Variants in TPBGL observed in about 807,000 individuals in gnomAD.
TPBGL encodes the protein trophoblast glycoprotein-like.
For synonymous variants in TPBGL, 380 were observed against 314.8 expected (o/e 1.21, Z -2.19); for missense variants, 685 against 609.4 (o/e 1.12, Z -1.31).
At position 75,241,772 on chromosome 11, in the gene TPBGL, C is replaced by T; in HGVS notation, c.723C>T (p.Ala241=). The T allele has an allele frequency of 1.5e-6, 2 of 1,309,214 alleles. No homozygotes were observed. Among genetic ancestry groups the T allele is most frequent in the Non-Finnish European group, 1.9e-6 (2 of 1,027,278 alleles). 81.1% of individuals were successfully genotyped at this position (1,309,214 alleles called of 1,614,324 possible). The part of the protein sequence containing the change: ...LADNPLRCGC[A]ARPLLAWLRN... Reference sequence around the variant, plus strand: ...ACAACCCCCTGCGCTGCGGCTGTGCCGCACGCCCCCTGCTGGCCTGGCTGC... The same window carrying T: ...ACAACCCCCTGCGCTGCGGCTGTGCTGCACGCCCCCTGCTGGCCTGGCTGC... Residue 241 remains alanine (A), a synonymous_variant, in exon 1 of 1, where the codon GCC becomes GCT. Transcript: ENST00000562197.
In TPBGL at chr11:75,242,286, C is replaced by T. The variant is rs1945608067; in HGVS notation, c.*88C>T. ...CGAGCCCCGAGCTCTGAGACCTTCC[C>T]CTGACTCGGAGGCGCTAAGCCGTAC... On this transcript the variant is annotated 3_prime_UTR_variant, in exon 1 of 1. Coordinates refer to ENST00000562197, the MANE Select transcript of TPBGL (RefSeq NM_001195528.2). 7.6e-6 allele frequency: 8 copies of T among 1,050,896 alleles called. No individual in the cohort carries two copies. Among genetic ancestry groups the T allele is most frequent in the Non-Finnish European group, 9.2e-6 (8 of 873,886 alleles). The allele number at this position is 1,050,896 out of a possible 1,614,324, so 65.1% of individuals were successfully genotyped here.
chr11:75,241,605 C>A lies in TPBGL; in HGVS notation c.556C>A (p.Arg186Ser). The change falls in exon 1 of 1, where the codon CGT (arginine) becomes AGT (serine). Residue 186 changes from arginine to serine, a missense_variant. Transcript: ENST00000562197. Reference sequence around the variant, plus strand: ...GGGCCTAGCGGGCAACGCGCTGAGCCGTCTGCCGCCAGCCGCCCTGCGCCT... The same window carrying A: ...GGGCCTAGCGGGCAACGCGCTGAGCAGTCTGCCGCCAGCCGCCCTGCGCCT... ...LLGLAGNALS[R>S]LPPAALRLAR... 1 of 1,314,878 alleles carries A rather than the reference C, an allele frequency of 7.6e-7. No homozygotes were observed. The highest frequency in any genetic ancestry group is 9.8e-7 in the Non-Finnish European group (1 of 1,024,254). 81.5% of individuals were successfully genotyped at this position (1,314,878 alleles called of 1,614,324 possible). A position where few individuals can be genotyped will look rare whatever the true frequency, so the allele number is the denominator to read the frequency against.
chr11:75,241,218 C>T lies in TPBGL; in HGVS notation c.169C>T (p.Pro57Ser), dbSNP rs1221253951. 1 of 1,441,988 alleles carries T rather than the reference C, an allele frequency of 6.9e-7. No homozygotes were observed. The highest frequency in any genetic ancestry group is 9.1e-7 in the Non-Finnish European group (1 of 1,099,896). 89.3% of individuals were successfully genotyped at this position (1,441,988 alleles called of 1,614,324 possible). Residue 57 changes from proline to serine, a missense_variant, in exon 1 of 1, where the codon CCG becomes TCG. Pro to Ser is a moderately conservative substitution (Grantham distance 74). Transcript: ENST00000562197. ...GCTCCGCCAGCCTCCGCGGGACGTGCCGCCCGACGCGCGCAACCTCACCAT... is the reference window on the plus strand; with the variant it reads ...GCTCCGCCAGCCTCCGCGGGACGTGTCGCCCGACGCGCGCAACCTCACCAT... ...AELRQPPRDV[P>S]PDARNLTIVG...
At position 75,242,440 on chromosome 11, in the gene TPBGL, C is replaced by A. The variant is rs1006055266; in HGVS notation, c.*242C>A. ...CCTGAACCACTGAAAGTCCGTTCCCCGTCTCGGAGCTCACACAGAGAATCT... is the reference window on the plus strand; with the variant it reads ...CCTGAACCACTGAAAGTCCGTTCCCAGTCTCGGAGCTCACACAGAGAATCT... On this transcript the variant is annotated 3_prime_UTR_variant, in exon 1 of 1. Transcript: ENST00000562197. 9.3e-5 allele frequency: 24 copies of A among 258,470 alleles called. No homozygotes were observed. The highest frequency in any genetic ancestry group is 1.4e-4 in the Non-Finnish European group (23 of 160,810). 16.0% of individuals were successfully genotyped at this position (258,470 alleles called of 1,614,324 possible). A position where few individuals can be genotyped will look rare whatever the true frequency, so the allele number is the denominator to read the frequency against.
Position 75,241,945 on chromosome 11 carries a change from C to T in TPBGL, c.896C>T (p.Ala299Val), listed in dbSNP as rs1359405715. The T allele has an allele frequency of 2.8e-5, 41 of 1,487,908 alleles. No individual in the cohort carries two copies. The East Asian group carries it at 8.6e-4, about 31-fold the overall frequency. The allele number at this position is 1,487,908 out of a possible 1,614,324, so 92.2% of individuals were successfully genotyped here. A position where few individuals can be genotyped will look rare whatever the true frequency, so the allele number is the denominator to read the frequency against. Residue 299 changes from alanine (A) to valine (V), a missense_variant, in exon 1 of 1, where the codon GCC becomes GTC. Transcript: ENST00000562197. ...GADARGEEAEAAGPELEASYV... is the reference protein window; with the variant it reads ...GADARGEEAEVAGPELEASYV... ...GACGCTCGCGGAGAGGAGGCGGAGG[C>T]CGCCGGCCCGGAGCTGGAAGCCTCC... is the stretch of plus-strand genomic sequence containing the variant.
chr11:75,242,284 C>T lies in TPBGL; in HGVS notation c.*86C>T. Reference sequence around the variant, plus strand: ...CGCGAGCCCCGAGCTCTGAGACCTTCCCCTGACTCGGAGGCGCTAAGCCGT... The same window carrying T: ...CGCGAGCCCCGAGCTCTGAGACCTTTCCCTGACTCGGAGGCGCTAAGCCGT... On this transcript the variant is annotated 3_prime_UTR_variant, in exon 1 of 1. Coordinates refer to ENST00000562197, the MANE Select transcript of TPBGL (RefSeq NM_001195528.2). The T allele has an allele frequency of 9.5e-7, 1 of 1,053,112 alleles. No homozygotes were observed. The highest frequency in any genetic ancestry group is 1.1e-6 in the Non-Finnish European group (1 of 875,246). 65.2% of individuals were successfully genotyped at this position (1,053,112 alleles called of 1,614,324 possible).
chr11:75,242,704 A>C lies in TPBGL; in HGVS notation c.*506A>C, dbSNP rs1049313510. The stretch of plus-strand genomic sequence containing the variant: ...AGCCCTCCATCCTGCATGGAGGCCC[A>C]ACCCTGGGGCTCTGAGGATTGGGCA... On this transcript the variant is annotated 3_prime_UTR_variant, in exon 1 of 1. Transcript: ENST00000562197. 3.9e-5 allele frequency: 6 copies of C among 151,906 alleles called. No individual in the cohort carries two copies. The highest frequency in any genetic ancestry group is 3.3e-4 in the Admixed American group (5 of 15,276). 9.4% of individuals were successfully genotyped at this position (151,906 alleles called of 1,614,324 possible). A position where few individuals can be genotyped will look rare whatever the true frequency, so the allele number is the denominator to read the frequency against.
At position 75,242,052 on chromosome 11, in the gene TPBGL, C is replaced by G; in HGVS notation, c.1003C>G (p.Arg335Gly). 1 of 1,450,256 alleles carries G rather than the reference C, an allele frequency of 6.9e-7. No homozygotes were observed. Among genetic ancestry groups the G allele is most frequent in the East Asian group, 3.0e-5 (1 of 32,804 alleles). The allele number at this position is 1,450,256 out of a possible 1,614,324, so 89.8% of individuals were successfully genotyped here. Residue 335 changes from arginine to glycine, a missense_variant, in exon 1 of 1, where the codon CGC becomes GGC. Coordinates refer to ENST00000562197, the MANE Select transcript of TPBGL (RefSeq NM_001195528.2). ...VLYLNRRGIQ[R>G]WMRNLREACR... ...CTACCTAAACCGCCGCGGCATCCAG[C>G]GCTGGATGCGCAACCTGCGCGAGGC...
At position 75,243,680 on chromosome 11, in the gene TPBGL, G is replaced by A. The variant is rs1329501783; in HGVS notation, c.*1482G>A. On this transcript the variant is annotated 3_prime_UTR_variant, in exon 1 of 1. Coordinates refer to ENST00000562197, the MANE Select transcript of TPBGL (RefSeq NM_001195528.2). ...TCTCCCTTGAGCAGTTTTCTATAAA[G>A]TCTGCAATAATCTCAGATACTCTAC... 2.6e-5 allele frequency: 4 copies of A among 152,142 alleles called. No homozygotes were observed. 9.4% of individuals were successfully genotyped at this position (152,142 alleles called of 1,614,324 possible). A position where few individuals can be genotyped will look rare whatever the true frequency, so the allele number is the denominator to read the frequency against.
At position 75,241,643 on chromosome 11, in the gene TPBGL, G is replaced by A. The variant is rs2140370651; in HGVS notation, c.594G>A (p.Glu198=). Residue 198 remains glutamate (E), a synonymous_variant, in exon 1 of 1, where the codon GAG becomes GAA. Coordinates refer to ENST00000562197, the MANE Select transcript of TPBGL (RefSeq NM_001195528.2). ...CCGCCCTGCGCCTGGCGCGCCTGGA[G>A]CAGCTGGACGTGCGCCTCAACGCGC... ...PPAALRLARL[E]QLDVRLNALA... 1 of 1,312,306 alleles carries A rather than the reference G, an allele frequency of 7.6e-7. No individual in the cohort carries two copies. Among genetic ancestry groups the A allele is most frequent in the Non-Finnish European group, 9.8e-7 (1 of 1,024,458 alleles). 81.3% of individuals were successfully genotyped at this position (1,312,306 alleles called of 1,614,324 possible). A position where few individuals can be genotyped will look rare whatever the true frequency, so the allele number is the denominator to read the frequency against.
At position 75,241,643 on chromosome 11, in the gene TPBGL, G is replaced by C; in HGVS notation, c.594G>C (p.Glu198Asp). The C allele has an allele frequency of 1.5e-6, 2 of 1,312,306 alleles. No individual in the cohort carries two copies. The highest frequency in any genetic ancestry group is 2.0e-6 in the Non-Finnish European group (2 of 1,024,458). 81.3% of individuals were successfully genotyped at this position (1,312,306 alleles called of 1,614,324 possible). ...CCGCCCTGCGCCTGGCGCGCCTGGA[G>C]CAGCTGGACGTGCGCCTCAACGCGC... ...PPAALRLARLEQLDVRLNALA... is the reference protein window; with the variant it reads ...PPAALRLARLDQLDVRLNALA... Residue 198 changes from glutamate to aspartate, a missense_variant, in exon 1 of 1, where the codon GAG becomes GAC. Transcript: ENST00000562197.
Position 75,240,994 on chromosome 11 carries a change from C to G in TPBGL, c.-56C>G. ...CCCCACCCGTGCCCCCCACCAGGCG[C>G]TCCCAACTCACTGGTGAGCGCGGCG... On this transcript the variant is annotated 5_prime_UTR_variant, in exon 1 of 1. Transcript: ENST00000562197. 8.5e-7 allele frequency: 1 copy of G among 1,179,886 alleles called. No homozygotes were observed. The highest frequency in any genetic ancestry group is 1.1e-6 in the Non-Finnish European group (1 of 950,860). 73.1% of individuals were successfully genotyped at this position (1,179,886 alleles called of 1,614,324 possible).
At position 75,241,288 on chromosome 11, in the gene TPBGL, G is replaced by C; in HGVS notation, c.239G>C (p.Gly80Ala). The C allele has an allele frequency of 1.5e-6, 2 of 1,348,192 alleles. No individual in the cohort carries two copies. The highest frequency in any genetic ancestry group is 1.9e-6 in the Non-Finnish European group (2 of 1,056,642). 83.5% of individuals were successfully genotyped at this position (1,348,192 alleles called of 1,614,324 possible). ...LTVLRAAAFA[G>A]GDGDGDQAAG... ...GTGCTGCGCGCGGCCGCCTTCGCCG[G>C]CGGGGACGGGGACGGCGACCAGGCG... Residue 80 changes from glycine to alanine, a missense_variant, in exon 1 of 1, where the codon GGC (glycine) becomes GCC (alanine). Coordinates refer to ENST00000562197, the MANE Select transcript of TPBGL (RefSeq NM_001195528.2).
Position 75,241,197 on chromosome 11 carries a change from C to A in TPBGL, c.148C>A (p.Arg50Ser). ...LLRCASGAEL[R>S]QPPRDVPPDA... is the part of the protein sequence containing the mutation. The stretch of plus-strand genomic sequence containing the variant: ...GCGCTGCGCGTCGGGAGCCGAGCTC[C>A]GCCAGCCTCCGCGGGACGTGCCGCC... Residue 50 changes from arginine to serine, a missense_variant, in exon 1 of 1, where the codon CGC becomes AGC. Arg to Ser is a moderately radical substitution (Grantham distance 110, BLOSUM62 -1). Coordinates refer to ENST00000562197, the MANE Select transcript of TPBGL (RefSeq NM_001195528.2). 1 of 1,449,422 alleles carries A rather than the reference C, an allele frequency of 6.9e-7. No homozygotes were observed. The highest frequency in any genetic ancestry group is 9.1e-7 in the Non-Finnish European group (1 of 1,103,640). 89.8% of individuals were successfully genotyped at this position (1,449,422 alleles called of 1,614,324 possible).
In TPBGL at chr11:75,241,215, G is replaced by A. The variant is rs966872297; in HGVS notation, c.166G>A (p.Val56Met). 2 of 1,443,370 alleles carry A rather than the reference G, an allele frequency of 1.4e-6. No individual in the cohort carries two copies. Among genetic ancestry groups the A allele is most frequent in the Non-Finnish European group, 1.8e-6 (2 of 1,100,668 alleles). The allele number at this position is 1,443,370 out of a possible 1,614,324, so 89.4% of individuals were successfully genotyped here. ...GAELRQPPRD[V>M]PPDARNLTIV... The stretch of plus-strand genomic sequence containing the variant: ...CGAGCTCCGCCAGCCTCCGCGGGAC[G>A]TGCCGCCCGACGCGCGCAACCTCAC... Residue 56 changes from valine to methionine, a missense_variant, in exon 1 of 1, where the codon GTG (valine) becomes ATG (methionine). By Grantham distance (21) the Val-to-Met change is conservative (BLOSUM62 1). Transcript: ENST00000562197.
In TPBGL at chr11:75,241,581, GGCCTAGCGGGCAACGCGCTGA is replaced by G; in HGVS notation, c.536_556del (p.Leu179_Ser185del). ...ACCGCTGGCCGAGCTTCGCCTGCTG[GGCCTAGCGGGCAACGCGCTGA>G]GCCGTCTGCCGCCAGCCGCCCTGCG... On this transcript the variant is annotated inframe_deletion, in exon 1 of 1. Transcript: ENST00000562197. The G allele has an allele frequency of 7.6e-7, 1 of 1,316,154 alleles. No individual in the cohort carries two copies. The highest frequency in any genetic ancestry group is 9.8e-7 in the Non-Finnish European group (1 of 1,024,856). The allele number at this position is 1,316,154 out of a possible 1,614,324, so 81.5% of individuals were successfully genotyped here.
Position 75,241,534 on chromosome 11 carries a change from CCGCGCTGGA to C in TPBGL, c.489_497del (p.Leu164_Ala166del), listed in dbSNP as rs1591863024. 7 of 1,223,338 alleles carry C rather than the reference CCGCGCTGGA, an allele frequency of 5.7e-6. No individual in the cohort carries two copies. Among genetic ancestry groups the C allele is most frequent in the South Asian group, 2.6e-5 (1 of 38,520 alleles). 75.8% of individuals were successfully genotyped at this position (1,223,338 alleles called of 1,614,324 possible). On this transcript the variant is annotated inframe_deletion, in exon 1 of 1. Coordinates refer to ENST00000562197, the MANE Select transcript of TPBGL (RefSeq NM_001195528.2). ...GTGCGCGGCGGCCCCGCGCTGCTGG[CCGCGCTGGA>C]CGCTGCGCTGGCACCGCTGGCCGAG...
chr11:75,241,157 C>T lies in TPBGL; in HGVS notation c.108C>T (p.Gly36=). The T allele has an allele frequency of 6.9e-7, 1 of 1,451,564 alleles. No individual in the cohort carries two copies. The highest frequency in any genetic ancestry group is 9.1e-7 in the Non-Finnish European group (1 of 1,104,458). 89.9% of individuals were successfully genotyped at this position (1,451,564 alleles called of 1,614,324 possible). The change falls in exon 1 of 1, where the codon GGC becomes GGT. Residue 36 remains glycine (G), a synonymous_variant. Transcript: ENST00000562197. ...CCTTCCAGTGCTACTGCTTCGGCGG[C>T]CCCAAGCTGCTGCTGCGCTGCGCGT... ...PCPFQCYCFG[G]PKLLLRCASG...
rs1945607443 is a variant in TPBGL, at chr11:75,242,205, C to T, written c.*7C>T. The T allele has an allele frequency of 9.1e-7, 1 of 1,102,534 alleles. No homozygotes were observed. The highest frequency in any genetic ancestry group is 6.0e-5 in the East Asian group (1 of 16,672). 68.3% of individuals were successfully genotyped at this position (1,102,534 alleles called of 1,614,324 possible). A position where few individuals can be genotyped will look rare whatever the true frequency, so the allele number is the denominator to read the frequency against. ...CCCGGGCTCGGGGCTCTGAGCGGCG[C>T]CCCCGGGCTCGGGGCTTCCCTTGCC... On this transcript the variant is annotated 3_prime_UTR_variant, in exon 1 of 1. Coordinates refer to ENST00000562197, the MANE Select transcript of TPBGL (RefSeq NM_001195528.2).
Sources: allele counts gnomAD v4.1 joint callset, GRCh38; gene constraint gnomAD v4.1.1; transcripts MANE v1.5; gene names NCBI Gene and HGNC (gene_info 2026-07-23, HGNC 2026-07-21).